The following LRP1B variants were observed in gnomAD, a reference collection of about 807,000 sequenced individuals.
LRP1B encodes low-density lipoprotein receptor-related protein 1B.
In LRP1B, 217 loss-of-function variants were observed where a neutral mutation model predicts 556.6. That is an observed-to-expected ratio of 0.39 (90% CI 0.35 to 0.44). The LOEUF is 0.44. Ranked by LOEUF, LRP1B falls within the 20% of genes least tolerant of loss-of-function variation. The pLI is 1.00. For synonymous variants in LRP1B, 2,047 were observed against 1,865.8 expected, an observed-to-expected ratio of 1.10 and a Z score of -2.50; for missense variants, 5,053 against 5,620.8, an observed-to-expected ratio of 0.90 and a Z score of 3.23.
intron 80 of LRP1B, 32 bp from the exon 81 acceptor site, chr2:140,324,098 T>TTAATGTATATACTCAGACTTTAAAAA (rs778782573): frequency 4.4e-6 from 6 of 1,378,476 alleles, no homozygotes; most frequent in Non-Finnish European, 5.2e-6. Flanking sequence ...TATGAAAGTT[T>TTAATGTATATACTCAGACTTTAAAAA]TAATGTATAT....
intron 43 of LRP1B, among the ~76,000 whole-genome samples, chr2:140,578,350 A>T (rs1681618153): frequency 6.6e-6 from 1 of 152,184 alleles, no homozygotes; most frequent in East Asian, 1.9e-4. Flanking sequence ...TGAAGTTAAC[A>T]TATTGGTGAT....
At chr2:140,451,729 T>C (rs1035053029) in intron 62 of LRP1B, among the ~76,000 whole-genome samples, 12 of 152,022 alleles carry the variant, frequency 7.9e-5, no homozygotes, top group Admixed American at 7.2e-4. Flanking sequence ...CAAAGAAAAA[T>C]TCTGATCATT....
In LRP1B at chr2:141,013,656, G is replaced by T. The variant is rs1264096842; in HGVS notation, c.2280C>A (p.Ser760=). 3 of 1,611,976 alleles carry T rather than the reference G, an allele frequency of 1.9e-6. No individual in the cohort carries two copies. In the Admixed American group the frequency reaches 5.0e-5, roughly 27 times the overall value. The part of the protein sequence containing the change: ...YVFWTDYMNG[S]IFQLDLITSE... ...TTGTTATCAAATCTAGTTGAAAAATGGAACCATTCATATAATCAGTCCAGA... is the reference window on the plus strand; with the variant it reads ...TTGTTATCAAATCTAGTTGAAAAATTGAACCATTCATATAATCAGTCCAGA... Residue 760 remains serine (S), a synonymous_variant, in exon 14 of 91, where the codon TCC becomes TCA. Transcript: ENST00000389484.
chr2:142,095,661 A>AT (rs1450840241), intron 1 of LRP1B, among the ~76,000 whole-genome samples: 1 of 151,648 alleles, frequency 6.6e-6, no homozygotes, highest in Non-Finnish European at 1.5e-5. Flanking sequence ...CAGGTCCCAA[A>AT]TTTTCCCTTT....
chr2:141,455,972 G>C (rs958343459), intron 3 of LRP1B, among the ~76,000 whole-genome samples: 3 of 152,168 alleles, frequency 2.0e-5, no homozygotes, highest in Admixed American at 2.0e-4. Context: ...AGAAAATCAA[G>C]GTTTGAGGCT....
intron 3 of LRP1B, among the ~76,000 whole-genome samples, chr2:141,320,128 T>C (rs113721994): frequency 0.023 from 3,433 of 152,196 alleles, 65 homozygotes; most frequent in South Asian, 0.04. Flanking sequence ...TACAGCATAA[T>C]TGTGTACAAT....
chr2:140,934,268 A>G (rs560210436), intron 20 of LRP1B, among the ~76,000 whole-genome samples: 130 of 152,290 alleles, frequency 8.5e-4, no homozygotes, highest in Non-Finnish European at 1.5e-3. Context: ...ATTCCCCTAA[A>G]TTCAAAGCCA....
chr2:141,636,159 T>C (rs2105355964), intron 2 of LRP1B, among the ~76,000 whole-genome samples: 1 of 152,246 alleles, frequency 6.6e-6, no homozygotes, highest in Middle Eastern at 3.4e-3. Context: ...TAATATCCAC[T>C]TATAAAAAGA....
intron 14 of LRP1B, among the ~76,000 whole-genome samples, chr2:141,007,396 T>A (rs1480861741): frequency 6.6e-6 from 1 of 151,862 alleles, no homozygotes; most frequent in African/African-American, 2.4e-5. Context: ...ACTATGTTTA[T>A]AACAAATTAA....
chr2:141,499,691 T>C (rs958462127), intron 2 of LRP1B, among the ~76,000 whole-genome samples: 1 of 151,968 alleles, frequency 6.6e-6, no homozygotes, highest in Non-Finnish European at 1.5e-5. Context: ...ATATGGAATA[T>C]TAAAGTATGA....
At chr2:141,199,686 A>T (rs1468807195) in intron 6 of LRP1B, among the ~76,000 whole-genome samples, 1 of 152,144 alleles carries the variant, frequency 6.6e-6, no homozygotes, top group Non-Finnish European at 1.5e-5. Flanking sequence ...TTTTATTACC[A>T]TTATGTAATT....
At chr2:142,115,541 TGTA>T (rs1559079582) in intron 1 of LRP1B, among the ~76,000 whole-genome samples, 6 of 44,824 alleles carry the variant, frequency 1.3e-4, no homozygotes, top group South Asian at 4.5e-4. Context: ...ATATTACATA[TGTA>T]ATATATATAT....
chr2:141,317,595 C>T (rs1010699438), intron 3 of LRP1B, among the ~76,000 whole-genome samples: 2 of 152,096 alleles, frequency 1.3e-5, no homozygotes, highest in African/African-American at 2.4e-5. Flanking sequence ...TAGTGTATAC[C>T]TATCTCCTTT....
rs1207730084 is a variant in LRP1B at position 141,810,388 on chromosome 2, A to G, written c.96T>C (p.Cys32=). 6.2e-7 allele frequency: 1 copy of G among 1,613,020 alleles called. No homozygotes were observed. The highest frequency in any genetic ancestry group is 8.5e-7 in the Non-Finnish European group (1 of 1,179,370). ...TVGADRDQQL[C]DPGEFLCHDH... ...CGTGGCAAAGAAATTCACCAGGATC[A>G]CACAACTGCTGATCTGAAAATGAAA... Residue 32 remains cysteine, a synonymous_variant, in exon 2 of 91, where the codon TGT becomes TGC. Coordinates refer to ENST00000389484, the MANE Select transcript of LRP1B (RefSeq NM_018557.3).
intron 7 of LRP1B, among the ~76,000 whole-genome samples, chr2:141,119,560 T>C (rs1034095732): frequency 7.9e-5 from 12 of 152,040 alleles, no homozygotes; most frequent in Admixed American, 7.2e-4. Context: ...GCATGTACTC[T>C]ATCATGGTCT....
chr2:140,565,252 G>A, intron 43 of LRP1B, among the ~76,000 whole-genome samples: 1 of 84,724 alleles, frequency 1.2e-5, no homozygotes, highest in Admixed American at 1.1e-4. Context: ...AAGATATGAT[G>A]AATATATGTC....
intron 85 of LRP1B, among the ~76,000 whole-genome samples, chr2:140,272,024 A>G (rs1023164119): frequency 6.6e-6 from 1 of 152,094 alleles, no homozygotes; most frequent in South Asian, 2.1e-4. Flanking sequence ...TAAAAGACAA[A>G]AAAACCTGAT....
intron 49 of LRP1B, among the ~76,000 whole-genome samples, chr2:140,519,734 GAATCTACAAAGAACTCA>G (rs1352014402): frequency 6.6e-6 from 1 of 152,068 alleles, no homozygotes; most frequent in African/African-American, 2.4e-5. Context: ...CTAATATCCA[GAATCTACAAAGAACTCA>G]AACAAATTTA....
chr2:141,090,367 T>C (rs1411578790), intron 7 of LRP1B, among the ~76,000 whole-genome samples: 1 of 152,180 alleles, frequency 6.6e-6, no homozygotes, highest in African/African-American at 2.4e-5. Context: ...TTGAAAAACT[T>C]CTGTAAGCAG....
Sources: gnomAD v4.1 joint callset for allele counts (sites outside exome capture counted in the v4.1 genomes callset) on GRCh38, gnomAD v4.1.1 for gene constraint, MANE v1.5 for transcripts, NCBI Gene and HGNC (gene_info 2026-07-23, HGNC 2026-07-21) for gene names.